LSAMP: variants seen among roughly 807,000 people sequenced by gnomAD.
The protein encoded by LSAMP is limbic system-associated membrane protein.
A neutral mutation model predicts 38.6 loss-of-function variants in LSAMP; 7 were observed. The ratio of observed to expected loss-of-function variants is 0.18; its 90% CI spans 0.10 to 0.34. LSAMP has a LOEUF of 0.34. Among genes scored for constraint, LSAMP ranks in the 10% least tolerant of loss-of-function variants. The probability of loss-of-function intolerance (pLI) is 1.00; values close to 1 mark genes in which losing one functional copy is unlikely to be tolerated. For synonymous variants in LSAMP, 154 were observed against 166.8 expected (o/e 0.92, Z 0.59); for missense variants, 313 against 420.0 (o/e 0.75, Z 2.23).
chr3:115,996,425 G>A (rs2107650529), intron 3 of LSAMP, among the ~76,000 whole-genome samples: 1 of 152,140 alleles, frequency 6.6e-6, no homozygotes, highest in East Asian at 1.9e-4. Context: ...TTGGTCTGTT[G>A]TAACAAGAAT....
At chr3:116,430,219 T>C (rs2049262967) in intron 1 of LSAMP, among the ~76,000 whole-genome samples, 1 of 152,298 alleles carries the variant, frequency 6.6e-6, no homozygotes, top group Non-Finnish European at 1.5e-5. Flanking sequence ...TTGATATGTT[T>C]GCAAATTCTC....
At chr3:116,256,614 TAA>T (rs1161338839) in intron 1 of LSAMP, among the ~76,000 whole-genome samples, 1 of 152,166 alleles carries the variant, frequency 6.6e-6, no homozygotes, top group Non-Finnish European at 1.5e-5. Flanking sequence ...GGATAGAAAG[TAA>T]AGAGTTGAAA....
intron 1 of LSAMP, among the ~76,000 whole-genome samples, chr3:116,351,426 G>T (rs1371937258): frequency 6.6e-6 from 1 of 152,104 alleles, no homozygotes; most frequent in Non-Finnish European, 1.5e-5. Context: ...CCTGACAGGG[G>T]AATGGCAGGA....
chr3:116,286,950 C>T (rs1358016299), intron 1 of LSAMP, among the ~76,000 whole-genome samples: 1 of 151,452 alleles, frequency 6.6e-6, no homozygotes, highest in Non-Finnish European at 1.5e-5. Flanking sequence ...ACACTGCCAT[C>T]ACCAGCTGTG....
intron 3 of LSAMP, among the ~76,000 whole-genome samples, chr3:115,857,602 G>A (rs1040144801): frequency 8.6e-5 from 13 of 151,992 alleles, no homozygotes; most frequent in East Asian, 1.9e-4. Context: ...TGCTCACATC[G>A]CTGAGTGTTA....
chr3:115,888,214 A>G (rs1030510281), intron 3 of LSAMP, among the ~76,000 whole-genome samples: 1 of 151,998 alleles, frequency 6.6e-6, no homozygotes, highest in African/African-American at 2.4e-5. Flanking sequence ...CTCATAAACC[A>G]TGAAATACCA....
At chr3:116,399,992 A>T (rs1012502072) in intron 1 of LSAMP, among the ~76,000 whole-genome samples, 15 of 152,214 alleles carry the variant, frequency 9.9e-5, no homozygotes, top group African/African-American at 3.4e-4. Context: ...CTGATGTTTA[A>T]AAAACTCAGT....
chr3:116,275,452 A>G (rs2107675620), intron 1 of LSAMP, among the ~76,000 whole-genome samples: 1 of 152,290 alleles, frequency 6.6e-6, no homozygotes, highest in African/African-American at 2.4e-5. Context: ...GAAAAATCCA[A>G]TTTTGTGAGT....
chr3:116,183,684 T>C (rs1020761388), intron 1 of LSAMP, among the ~76,000 whole-genome samples: 1 of 151,836 alleles, frequency 6.6e-6, no homozygotes, highest in Admixed American at 6.6e-5. Context: ...AGTATTAATA[T>C]AGGGGTCATC....
At chr3:115,958,817 TA>T (rs147715862) in intron 3 of LSAMP, among the ~76,000 whole-genome samples, 2,988 of 152,104 alleles carry the variant, frequency 0.02, 89 homozygotes, top group African/African-American at 0.068. Flanking sequence ...GTTAAGCACT[TA>T]AAAAAAATTG....
chr3:115,926,667 T>C (rs1259000862), intron 3 of LSAMP, among the ~76,000 whole-genome samples: 1 of 151,918 alleles, frequency 6.6e-6, no homozygotes, highest in African/African-American at 2.4e-5. Context: ...GCATCAGGAG[T>C]TGAGAACCAC....
intron 3 of LSAMP, among the ~76,000 whole-genome samples, chr3:115,911,863 A>G (rs763122134): frequency 6.6e-6 from 1 of 152,178 alleles, no homozygotes. Context: ...CATATTTTTT[A>G]TTTTAGCCAT....
At chr3:115,919,724 G>A (rs1386553837) in intron 3 of LSAMP, among the ~76,000 whole-genome samples, 2 of 152,100 alleles carry the variant, frequency 1.3e-5, no homozygotes. Flanking sequence ...TGATTCTCTT[G>A]CCTCAGCCTC....
chr3:115,858,176 A>C (rs918568366), intron 3 of LSAMP, among the ~76,000 whole-genome samples: 33 of 144,312 alleles, frequency 2.3e-4, no homozygotes, highest in East Asian at 6.0e-4. Context: ...ACACACACAC[A>C]CCCCACAAAA....
intron 1 of LSAMP, among the ~76,000 whole-genome samples, chr3:116,226,668 T>C (rs2046345452): frequency 6.6e-6 from 1 of 152,190 alleles, no homozygotes; most frequent in Non-Finnish European, 1.5e-5. Flanking sequence ...CCTTCAAGGG[T>C]TATTGTTCTC....
chr3:116,017,963 A>G (rs1186851067), intron 3 of LSAMP, among the ~76,000 whole-genome samples: 1 of 152,168 alleles, frequency 6.6e-6, no homozygotes, highest in African/African-American at 2.4e-5. Flanking sequence ...ATTGGAGCCA[A>G]CATAATGCCA....
At chr3:116,108,358 TC>T (rs1317016292) in intron 1 of LSAMP, among the ~76,000 whole-genome samples, 1 of 152,074 alleles carries the variant, frequency 6.6e-6, no homozygotes, top group African/African-American at 2.4e-5. Flanking sequence ...CTAAGTTGGC[TC>T]CACAGTTGGG....
chr3:115,939,577 T>TTTCTTTCTTTCTTTCTTTCC (rs1937835980), intron 3 of LSAMP, among the ~76,000 whole-genome samples: 1 of 150,762 alleles, frequency 6.6e-6, no homozygotes, highest in Non-Finnish European at 1.5e-5. Flanking sequence ...TCTTTCTTTC[T>TTTCTTTCTTTCTTTCTTTCC]TTCTTTCTGT....
intron 3 of LSAMP, among the ~76,000 whole-genome samples, chr3:115,885,743 G>T (rs570411972): frequency 4.0e-5 from 6 of 151,808 alleles, no homozygotes; most frequent in African/African-American, 1.4e-4. Flanking sequence ...AAACAACTTA[G>T]AAATGGCAAG....
Sources: gnomAD v4.1 joint callset for allele counts (sites outside exome capture counted in the v4.1 genomes callset) on GRCh38, gnomAD v4.1.1 for gene constraint, MANE v1.5 for transcripts, NCBI Gene and HGNC (gene_info 2026-07-23, HGNC 2026-07-21) for gene names.